GPC5: variants seen among roughly 807,000 people sequenced by gnomAD.
GPC5 encodes the protein glypican 5, also known as glypican-5.
A neutral mutation model predicts 53.9 loss-of-function variants in GPC5; 47 were observed. That is an observed-to-expected ratio of 0.87 (90% CI 0.69 to 1.11). The LOEUF (loss-of-function observed/expected upper bound fraction) is 1.11, where lower values mean the gene tolerates loss of function less well. Ranked by LOEUF, GPC5 falls within the 50% of genes most tolerant of loss-of-function variation. The pLI is 0.00. For synonymous variants in GPC5, 286 were observed against 263.3 expected (o/e 1.09, Z -0.84); for missense variants, 748 against 713.1 (o/e 1.05, Z -0.56).
chr13:92,043,433 A>C (rs915765057), intron 6 of GPC5, among the ~76,000 whole-genome samples: 4 of 152,186 alleles, frequency 2.6e-5, no homozygotes, highest in Admixed American at 6.5e-5. Context: ...AAGGGGGTAT[A>C]GTATACAAGA....
chr13:91,523,660 TA>T (rs527484781), intron 2 of GPC5, among the ~76,000 whole-genome samples: 188 of 152,310 alleles, frequency 1.2e-3, no homozygotes, highest in Non-Finnish European at 2.1e-3. Flanking sequence ...AGCATGACTA[TA>T]GTTAATAATA....
chr13:92,594,975 G>A (rs1594331973), intron 7 of GPC5, among the ~76,000 whole-genome samples: 1 of 152,182 alleles, frequency 6.6e-6, no homozygotes, highest in East Asian at 1.9e-4. Context: ...ATGGTCCAGT[G>A]TGGTGAGTAT....
rs181055399 is a variant in GPC5, at chr13:92,001,915, G to C, written c.1401+93858G>C. Among the ~76,000 whole-genome samples, 9 of 152,110 alleles carry C rather than the reference G, an allele frequency of 5.9e-5. No individual in the cohort carries two copies. The East Asian group carries it at 1.7e-3, about 29-fold the overall frequency. ...GTTTTGACATCTGTTTTATATTTTTGTGCCATTTGGAATGTAGGTCAAAAA... is the reference window on the plus strand; with the variant it reads ...GTTTTGACATCTGTTTTATATTTTTCTGCCATTTGGAATGTAGGTCAAAAA... On this transcript the variant is annotated intron_variant, in intron 6 of 7. Transcript: ENST00000377067.
chr13:92,066,421 T>C (rs1389042006), intron 6 of GPC5, among the ~76,000 whole-genome samples: 1 of 145,090 alleles, frequency 6.9e-6, no homozygotes, highest in Non-Finnish European at 1.5e-5. Flanking sequence ...TAGGTTTTGA[T>C]AGAACAAACC....
intron 6 of GPC5, among the ~76,000 whole-genome samples, chr13:92,088,223 G>A (rs143692331): frequency 8.3e-4 from 126 of 152,112 alleles, no homozygotes; most frequent in East Asian, 5.8e-4. Context: ...CTTCCATACC[G>A]TTCCACTCCT....
At position 91,627,337 on chromosome 13, in the gene GPC5, T is replaced by A. The variant is rs902623531; in HGVS notation, c.326-65850T>A. 1.4e-5 allele frequency among the ~76,000 whole-genome samples: 2 copies of A among 141,080 alleles called. 1 individual carries two copies. Among genetic ancestry groups the A allele is most frequent in the Non-Finnish European group, 3.1e-5 (2 of 65,490 alleles). 92.6% of individuals were successfully genotyped at this position (141,080 alleles called of 152,430 possible). The stretch of plus-strand genomic sequence containing the variant: ...GAGCCACCGCGCCCGGCCGAACTCA[T>A]CATTTTTTATGGCTGCATAGTATTC... On this transcript the variant is annotated intron_variant, in intron 2 of 7. Transcript: ENST00000377067.
At chr13:91,785,622 A>G (rs1315668869) in intron 5 of GPC5, among the ~76,000 whole-genome samples, 2 of 152,230 alleles carry the variant, frequency 1.3e-5, no homozygotes, top group African/African-American at 4.8e-5. Flanking sequence ...AGATGTTCAA[A>G]ACGAAACTGA....
rs80206283 is a variant in GPC5, at chr13:91,631,221, A to G, written c.326-61966A>G. ...CTTTGGTTTTTGGTTTACATTACAC[A>G]GATTTTTTAATTTGTGTGATTGTTT... On this transcript the variant is annotated intron_variant, in intron 2 of 7. Transcript: ENST00000377067. 3.3e-3 allele frequency among the ~76,000 whole-genome samples: 505 copies of G among 152,298 alleles called. 3 individuals are homozygous for G. Among genetic ancestry groups the G allele is most frequent in the African/African-American group, 0.012 (494 of 41,592 alleles).
intron 7 of GPC5, among the ~76,000 whole-genome samples, chr13:92,312,746 C>T (rs1205490963): frequency 6.6e-6 from 1 of 152,024 alleles, no homozygotes; most frequent in Non-Finnish European, 1.5e-5. Context: ...GTAATTTTAT[C>T]TTCATTTTTT....
At position 92,572,990 on chromosome 13, in the gene GPC5, TA is replaced by T. The variant is rs1367842529; in HGVS notation, c.1562-293286del. Among the ~76,000 whole-genome samples, 6 of 152,322 alleles carry T rather than the reference TA, an allele frequency of 3.9e-5. 1 individual carries two copies. In the South Asian group the frequency reaches 1.0e-3, roughly 26 times the overall value. On this transcript the variant is annotated intron_variant, in intron 7 of 7. Coordinates refer to ENST00000377067, the MANE Select transcript of GPC5 (RefSeq NM_004466.6). ...TCAAGTTACTTTTCATTTTTCAAAA[TA>T]AAAAATAATAAATTGGCTTTGATGC...
chr13:92,105,928 TG>T lies in GPC5; in HGVS notation c.1402-38901del, dbSNP rs557661547. Among the ~76,000 whole-genome samples, 7 of 152,166 alleles carry T rather than the reference TG, an allele frequency of 4.6e-5. No homozygotes were observed. In the East Asian group the frequency reaches 1.2e-3, roughly 25 times the overall value. Reference sequence around the variant, plus strand: ...CTCACCTGTTACCATATATTAATATTGCCTACCTTGGTCTTCATATAAATGG... The same window carrying T: ...CTCACCTGTTACCATATATTAATATTCCTACCTTGGTCTTCATATAAATGG... On this transcript the variant is annotated intron_variant, in intron 6 of 7. Coordinates refer to ENST00000377067, the MANE Select transcript of GPC5 (RefSeq NM_004466.6).
intron 7 of GPC5, among the ~76,000 whole-genome samples, chr13:92,424,409 T>C (rs1037898583): frequency 6.6e-6 from 1 of 152,078 alleles, no homozygotes; most frequent in African/African-American, 2.4e-5. Flanking sequence ...CAAATAAGCA[T>C]TCAATATGAC....
chr13:91,810,172 A>G (rs2038287643), intron 5 of GPC5, among the ~76,000 whole-genome samples: 1 of 151,960 alleles, frequency 6.6e-6, no homozygotes, highest in South Asian at 2.1e-4. Context: ...CTAAAACTGG[A>G]GTTTCAAGTG....
At chr13:92,801,019 T>C (rs1449946267) in intron 7 of GPC5, among the ~76,000 whole-genome samples, 1 of 149,690 alleles carries the variant, frequency 6.7e-6, no homozygotes, top group Non-Finnish European at 1.5e-5. Context: ...TAGATGTTAC[T>C]AAAAAAAGAA....
intron 6 of GPC5, among the ~76,000 whole-genome samples, chr13:92,097,738 C>A (rs1056183426): frequency 2.0e-5 from 3 of 152,134 alleles, no homozygotes; most frequent in African/African-American, 7.2e-5. Context: ...TGAAAGAATG[C>A]CATCAGGTTT....
At chr13:91,889,772 TAA>T (rs1300997943) in intron 5 of GPC5, among the ~76,000 whole-genome samples, 2 of 152,182 alleles carry the variant, frequency 1.3e-5, no homozygotes, top group African/African-American at 4.8e-5. Context: ...AGAGGATGAT[TAA>T]AACAGACATA....
intron 7 of GPC5, among the ~76,000 whole-genome samples, chr13:92,350,619 C>G (rs1199378289): frequency 6.6e-6 from 1 of 152,052 alleles, no homozygotes; most frequent in Non-Finnish European, 1.5e-5. Flanking sequence ...TATTGCACAG[C>G]ATGGTGAATA....
At chr13:92,223,895 A>T (rs1048652213) in intron 7 of GPC5, among the ~76,000 whole-genome samples, 1 of 152,176 alleles carries the variant, frequency 6.6e-6, no homozygotes, top group African/African-American at 2.4e-5. Flanking sequence ...ATTTTGCATG[A>T]AATTTGTGCA....
intron 5 of GPC5, among the ~76,000 whole-genome samples, chr13:91,846,197 T>C (rs2038846970): frequency 6.6e-6 from 1 of 152,084 alleles, no homozygotes; most frequent in Non-Finnish European, 1.5e-5. Context: ...GGCATGCCCA[T>C]ATGACCTGCT....
Sources: gnomAD v4.1 joint callset for allele counts (sites outside exome capture counted in the v4.1 genomes callset) on GRCh38, gnomAD v4.1.1 for gene constraint, MANE v1.5 for transcripts, NCBI Gene and HGNC (gene_info 2026-07-23, HGNC 2026-07-21) for gene names.